The following GFPT2 variants were observed in gnomAD, a reference collection of about 807,000 sequenced individuals.
GFPT2 encodes glutamine--fructose-6-phosphate aminotransferase [isomerizing] 2.
In GFPT2, 62 loss-of-function variants were observed where a neutral mutation model predicts 85.6. That is an observed-to-expected ratio of 0.72 (90% CI 0.59 to 0.90). The LOEUF (loss-of-function observed/expected upper bound fraction) is 0.90. GFPT2 is among the 40% of genes least tolerant of loss of function. The pLI is 0.00. For missense variants in GFPT2, 788 were observed against 893.4 expected, an observed-to-expected ratio of 0.88 and a Z score of 1.50; for synonymous variants, 368 against 344.5, an observed-to-expected ratio of 1.07 and a Z score of -0.75.
At chr5:180,303,872 G>A (rs1013173669) in intron 17 of GFPT2, among the ~76,000 whole-genome samples, 1 of 152,184 alleles carries the variant, frequency 6.6e-6, no homozygotes, top group Non-Finnish European at 1.5e-5. Context: ...GACTCGTGGT[G>A]GGCCTGTAGA....
At position 180,318,984 on chromosome 5, in the gene GFPT2, G is replaced by T; in HGVS notation, c.795-28C>A. 6.2e-7 allele frequency: 1 copy of T among 1,607,170 alleles called. No homozygotes were observed. Among genetic ancestry groups the T allele is most frequent in the Non-Finnish European group, 8.5e-7 (1 of 1,178,230 alleles). On this transcript the variant is annotated intron_variant, in intron 9 of 18. Transcript: ENST00000253778. The surrounding 1 kb of genome is among the most constrained non-coding windows in gnomAD (Gnocchi z 4.2). Reference sequence around the variant, plus strand: ...GGGGCAAGGGAAACAGGCATCATCAGTGCCCTGCCCTGAGCAGTTACGAGG... The same window carrying T: ...GGGGCAAGGGAAACAGGCATCATCATTGCCCTGCCCTGAGCAGTTACGAGG...
chr5:180,302,958 G>C (rs974748808), intron 17 of GFPT2, among the ~76,000 whole-genome samples: 1 of 152,108 alleles, frequency 6.6e-6, no homozygotes, highest in Admixed American at 6.5e-5. Context: ...GGCCGGGCGT[G>C]GTGGCTCACG....
At chr5:180,333,837 G>C (rs1213579042) in intron 4 of GFPT2, among the ~76,000 whole-genome samples, 5 of 152,156 alleles carry the variant, frequency 3.3e-5, no homozygotes, top group Non-Finnish European at 5.9e-5. Flanking sequence ...TGGGCCTCCT[G>C]GGAGCCTCCC....
At chr5:180,321,492 T>C (rs1305915567) in intron 9 of GFPT2, among the ~76,000 whole-genome samples, 1 of 152,248 alleles carries the variant, frequency 6.6e-6, no homozygotes, top group Non-Finnish European at 1.5e-5. Context: ...CTGGAGTTCC[T>C]GTCTCAGGTT....
intron 18 of GFPT2, 150 bp downstream of exon 18, chr5:180,302,273 C>T (rs1002802216): frequency 1.6e-5 from 9 of 570,178 alleles, no homozygotes; most frequent in African/African-American, 4.0e-5. Context: ...GGCGACAGAG[C>T]GAGACTCAAT....
chr5:180,313,743 C>G (rs939110516), intron 14 of GFPT2, 64 bp downstream of exon 14: 104 of 1,420,518 alleles, frequency 7.3e-5, no homozygotes, highest in Admixed American at 2.7e-4. Context: ...CGGAGGAGGG[C>G]GGCCTCTGGT....
chr5:180,325,070 G>A (rs1364523134), intron 7 of GFPT2, among the ~76,000 whole-genome samples, 175 bp from the exon 8 acceptor site: 1 of 152,164 alleles, frequency 6.6e-6, no homozygotes, highest in Non-Finnish European at 1.5e-5. Flanking sequence ...CAGCTCCTGA[G>A]TCCCAGGTCC....
chr5:180,308,932 C>T (rs1385816944), intron 15 of GFPT2, among the ~76,000 whole-genome samples: 3 of 151,798 alleles, frequency 2.0e-5, no homozygotes, highest in Admixed American at 6.6e-5. Flanking sequence ...TGCAGTGGCA[C>T]GATCTCGGCT....
chr5:180,310,764 C>T (rs1231077478), intron 15 of GFPT2, among the ~76,000 whole-genome samples: 1 of 132,592 alleles, frequency 7.5e-6, no homozygotes, highest in Non-Finnish European at 1.5e-5. Flanking sequence ...GACACAATGA[C>T]CAGTAGGCCT....
At position 180,313,747 on chromosome 5, in the gene GFPT2, C is replaced by T. The variant is rs547244642; in HGVS notation, c.1431+60G>A. Reference sequence around the variant, plus strand: ...GCAGAGCAGGCCGGAGGAGGGCGGCCTCTGGTGCACCTGCCTCCGCCAGGC... The same window carrying T: ...GCAGAGCAGGCCGGAGGAGGGCGGCTTCTGGTGCACCTGCCTCCGCCAGGC... On this transcript the variant is annotated intron_variant, in intron 14 of 18. Coordinates refer to ENST00000253778, the MANE Select transcript of GFPT2 (RefSeq NM_005110.4). 669 of 1,466,884 alleles carry T rather than the reference C, an allele frequency of 4.6e-4. 4 individuals carry two copies. The African/African-American group carries it at 8.5e-3, about 19-fold the overall frequency. 90.9% of individuals were successfully genotyped at this position (1,466,884 alleles called of 1,614,324 possible). A position where few individuals can be genotyped will look rare whatever the true frequency, so the allele number is the denominator to read the frequency against.
At chr5:180,346,122 C>T (rs1334697333) in intron 1 of GFPT2, among the ~76,000 whole-genome samples, 2 of 152,136 alleles carry the variant, frequency 1.3e-5, no homozygotes, top group Non-Finnish European at 2.9e-5. Context: ...GCCAACCCTT[C>T]CCGAGCTTCA....
chr5:180,320,524 G>A (rs1050177324), intron 9 of GFPT2, among the ~76,000 whole-genome samples: 2 of 152,112 alleles, frequency 1.3e-5, no homozygotes, highest in African/African-American at 4.8e-5. Context: ...TGTAATCCTA[G>A]CACTTTGGGA....
intron 13 of GFPT2, among the ~76,000 whole-genome samples, chr5:180,315,247 A>G (rs545490736): frequency 5.0e-4 from 75 of 149,766 alleles, no homozygotes; most frequent in South Asian, 3.4e-3. Context: ...GCGCGATCTC[A>G]GCTCACTGCA....
chr5:180,351,339 C>G (rs1764706594), intron 1 of GFPT2, among the ~76,000 whole-genome samples: 1 of 152,228 alleles, frequency 6.6e-6, no homozygotes, highest in East Asian at 1.9e-4. Flanking sequence ...TTGAAACTTT[C>G]TCCTGATGTT....
intron 15 of GFPT2, among the ~76,000 whole-genome samples, chr5:180,310,383 G>A (rs1371346825): frequency 3.3e-5 from 5 of 151,686 alleles, no homozygotes; most frequent in African/African-American, 4.8e-5. Flanking sequence ...GATTACAGGC[G>A]TGAGCCACTG....
rs956770940 is a variant in GFPT2 at position 180,323,535 on chromosome 5, CCTCT to C, written c.794+649_794+652del. ...GGAAAGTGCTCTGGTTCTCTCTCTC[CCTCT>C]CTCTCTCTCTGTGTGTGTGTGAGTG... On this transcript the variant is annotated intron_variant, in intron 9 of 18. Coordinates refer to ENST00000253778, the MANE Select transcript of GFPT2 (RefSeq NM_005110.4). This position sits in a 1 kb window ranked among gnomAD's most constrained non-coding sequence, Gnocchi z 4.0. Among the ~76,000 whole-genome samples the C allele has an allele frequency of 1.3e-5, 2 of 150,358 alleles. No individual in the cohort carries two copies. The highest frequency in any genetic ancestry group is 4.9e-5 in the African/African-American group (2 of 41,096).
At position 180,353,196 on chromosome 5, in the gene GFPT2, G is replaced by T. The variant is rs982201197; in HGVS notation, c.7+15C>A. The T allele has an allele frequency of 4.9e-6, 6 of 1,235,934 alleles. No homozygotes were observed. The highest frequency in any genetic ancestry group is 3.2e-5 in the East Asian group (1 of 31,658). The allele number at this position is 1,235,934 out of a possible 1,614,324, so 76.6% of individuals were successfully genotyped here. A position where few individuals can be genotyped will look rare whatever the true frequency, so the allele number is the denominator to read the frequency against. Reference sequence around the variant, plus strand: ...ACGGCGTGGAGGAGGCGGCTCGGGCGGGCGCGGCACTCACCGCACATCGTG... The same window carrying T: ...ACGGCGTGGAGGAGGCGGCTCGGGCTGGCGCGGCACTCACCGCACATCGTG... On this transcript the variant is annotated intron_variant, in intron 1 of 18. Coordinates refer to ENST00000253778, the MANE Select transcript of GFPT2 (RefSeq NM_005110.4).
rs780162657 is a variant in GFPT2, at chr5:180,323,187, G to A, written c.794+1001C>T. Among the ~76,000 whole-genome samples, 12 of 152,030 alleles carry A rather than the reference G, an allele frequency of 7.9e-5. No individual in the cohort carries two copies. The highest frequency in any genetic ancestry group is 7.4e-5 in the Non-Finnish European group (5 of 68,008). On this transcript the variant is annotated intron_variant, in intron 9 of 18. Coordinates refer to ENST00000253778, the MANE Select transcript of GFPT2 (RefSeq NM_005110.4). The surrounding 1 kb of genome is among the most constrained non-coding windows in gnomAD (Gnocchi z 4.0). ...ACTATGCCAAAATCTACAATTCTCC[G>A]TGTTTTAGAATCACTGAAATAATAC...
At chr5:180,313,299 G>T (rs1350338871) in intron 14 of GFPT2, among the ~76,000 whole-genome samples, 3 of 151,976 alleles carry the variant, frequency 2.0e-5, no homozygotes, top group Non-Finnish European at 4.4e-5. Context: ...GAGACTAAAT[G>T]AAGATATGGG....
Sources: gnomAD v4.1 joint callset for allele counts (sites outside exome capture counted in the v4.1 genomes callset) on GRCh38, gnomAD v4.1.1 for gene constraint, Gnocchi (gnomAD v3.1) non-coding constraint, MANE v1.5 for transcripts, NCBI Gene and HGNC (gene_info 2026-07-23, HGNC 2026-07-21) for gene names.